CRPPA: variants seen among roughly 807,000 people sequenced by gnomAD.
CRPPA encodes CDP-L-ribitol pyrophosphorylase A.
CRPPA carries 43 observed loss-of-function variants against 52.0 expected under a neutral mutation model. The observed-to-expected ratio is 0.83, with a 90% confidence interval of 0.65 to 1.07. The LOEUF is 1.07. Among genes scored for constraint, CRPPA ranks in the 50% least tolerant of loss-of-function variants. The probability of loss-of-function intolerance (pLI) is 0.00; values close to 1 mark genes in which losing one functional copy is unlikely to be tolerated. For missense variants in CRPPA, 629 were observed against 551.7 expected (o/e 1.14, Z -1.40); for synonymous variants, 250 against 203.5 (o/e 1.23, Z -1.94).
chr7:16,184,974 T>C (rs372245379), intron 9 of CRPPA, among the ~76,000 whole-genome samples: 2 of 152,314 alleles, frequency 1.3e-5, no homozygotes, highest in East Asian at 3.9e-4. Context: ...TTGTGGATTT[T>C]TATGAAAACT....
intron 9 of CRPPA, among the ~76,000 whole-genome samples, chr7:16,187,391 A>C (rs1781526882): frequency 6.6e-6 from 1 of 152,224 alleles, no homozygotes; most frequent in Admixed American, 6.5e-5. Context: ...TTTTCTGTTT[A>C]GACAAAAAGA....
chr7:16,321,477 C>G (rs1003258933), intron 3 of CRPPA, among the ~76,000 whole-genome samples: 3 of 152,088 alleles, frequency 2.0e-5, no homozygotes, highest in Non-Finnish European at 4.4e-5. Flanking sequence ...AAACTATCAC[C>G]ATTCAACCCC....
At chr7:16,344,486 G>A (rs1221730556) in intron 3 of CRPPA, among the ~76,000 whole-genome samples, 1 of 151,340 alleles carries the variant, frequency 6.6e-6, no homozygotes, top group Non-Finnish European at 1.5e-5. Context: ...ACTTGAGCCT[G>A]GAAGTTCAAG....
intron 9 of CRPPA, among the ~76,000 whole-genome samples, chr7:16,167,870 T>A (rs374640714): frequency 6.6e-6 from 1 of 152,230 alleles, no homozygotes; most frequent in African/African-American, 2.4e-5. Context: ...ATTTATCTAA[T>A]GAACTTCTTT....
At chr7:16,253,279 T>C (rs1783511778) in intron 8 of CRPPA, among the ~76,000 whole-genome samples, 1 of 152,234 alleles carries the variant, frequency 6.6e-6, no homozygotes, top group African/African-American at 2.4e-5. Context: ...GCTTTAAATG[T>C]GTCCCAGATA....
At chr7:16,405,186 C>G (rs1197591729) in intron 2 of CRPPA, among the ~76,000 whole-genome samples, 3 of 151,954 alleles carry the variant, frequency 2.0e-5, no homozygotes, top group Admixed American at 2.0e-4. Flanking sequence ...GAAACTATTA[C>G]ATAGATGTTA....
At position 16,380,757 on chromosome 7, in the gene CRPPA, G is replaced by C. The variant is rs183138906; in HGVS notation, c.535-4516C>G. On this transcript the variant is annotated intron_variant, in intron 2 of 9. Transcript: ENST00000407010. ...TCGAGGAATTTATCCATTTCTTCTA[G>C]ATTTTCTAGTTTATTTTCCTAGAGG... Among the ~76,000 whole-genome samples, 15 of 152,300 alleles carry C rather than the reference G, an allele frequency of 9.8e-5. No individual in the cohort carries two copies. In the East Asian group the frequency reaches 2.9e-3, roughly 29 times the overall value.
At chr7:16,093,003 G>A (rs1438267885) in intron 9 of CRPPA, among the ~76,000 whole-genome samples, 1 of 152,102 alleles carries the variant, frequency 6.6e-6, no homozygotes, top group Non-Finnish European at 1.5e-5. Flanking sequence ...GTTCAACCTA[G>A]GTATCAGAGA....
chr7:16,408,805 A>G (rs1788014925), intron 1 of CRPPA, among the ~76,000 whole-genome samples: 1 of 152,216 alleles, frequency 6.6e-6, no homozygotes, highest in African/African-American at 2.4e-5. Context: ...GTCCTTATAA[A>G]GGAAAGGAGG....
chr7:16,237,159 T>G (rs979863185), intron 8 of CRPPA: 4 of 152,234 alleles, frequency 2.6e-5, no homozygotes, highest in African/African-American at 9.6e-5. Context: ...CTCATTTATT[T>G]AAGCTTCAAT....
rs549480340 is a variant in CRPPA, at chr7:16,154,809, C to CT, written c.1251+61256dup. 4.1e-3 allele frequency among the ~76,000 whole-genome samples: 536 copies of CT among 131,994 alleles called. 3 individuals are homozygous for CT. Among genetic ancestry groups the CT allele is most frequent in the Admixed American group, 7.2e-3 (94 of 13,044 alleles). 86.6% of individuals were successfully genotyped at this position (131,994 alleles called of 152,430 possible). ...AATATCGTCAATATTCAAGATGGGT[C>CT]TTTTTTTTTTTTTTTTAAGACAGAA... On this transcript the variant is annotated intron_variant, in intron 9 of 9. Coordinates refer to ENST00000407010, the MANE Select transcript of CRPPA (RefSeq NM_001101426.4).
chr7:16,188,523 G>A (rs1006581433), intron 9 of CRPPA, among the ~76,000 whole-genome samples: 2 of 152,108 alleles, frequency 1.3e-5, no homozygotes, highest in Non-Finnish European at 2.9e-5. Flanking sequence ...AGACTGGCTT[G>A]GGATTCTATT....
intron 9 of CRPPA, among the ~76,000 whole-genome samples, chr7:16,189,629 T>C (rs968321959): frequency 1.4e-4 from 21 of 152,204 alleles, no homozygotes; most frequent in Non-Finnish European, 2.6e-4. Context: ...ACAACTGTTA[T>C]AATTTCATAC....
At chr7:16,108,628 C>G (rs1370793018) in intron 9 of CRPPA, among the ~76,000 whole-genome samples, 4 of 151,802 alleles carry the variant, frequency 2.6e-5, no homozygotes, top group African/African-American at 9.7e-5. Flanking sequence ...TTATACAGAA[C>G]ATTCTGTCCA....
intron 1 of CRPPA, among the ~76,000 whole-genome samples, chr7:16,420,553 A>G (rs1788303055): frequency 6.6e-6 from 1 of 152,126 alleles, no homozygotes; most frequent in Non-Finnish European, 1.5e-5. Flanking sequence ...TTGAAAGGTT[A>G]TTAAATTCTG....
At chr7:16,380,640 A>C (rs1422641660) in intron 2 of CRPPA, among the ~76,000 whole-genome samples, 1 of 152,064 alleles carries the variant, frequency 6.6e-6, no homozygotes. Flanking sequence ...TTGATTGGTA[A>C]GCTATTGATT....
At chr7:16,355,745 T>C (rs974381225) in intron 3 of CRPPA, among the ~76,000 whole-genome samples, 4 of 152,204 alleles carry the variant, frequency 2.6e-5, no homozygotes, top group Non-Finnish European at 5.9e-5. Context: ...CACTGACTGA[T>C]AGAACAGGCT....
intron 3 of CRPPA, among the ~76,000 whole-genome samples, chr7:16,330,083 C>A (rs1785512254): frequency 2.0e-5 from 3 of 152,150 alleles, no homozygotes; most frequent in African/African-American, 4.8e-5. Flanking sequence ...CTTTGAAGAT[C>A]ACAATGAAAT....
chr7:16,192,073 CCT>C (rs1186517620), intron 9 of CRPPA, among the ~76,000 whole-genome samples: 3 of 151,964 alleles, frequency 2.0e-5, no homozygotes, highest in Non-Finnish European at 4.4e-5. Flanking sequence ...TGAAGTCTTC[CCT>C]GCTCAGCTCA....
Sources: gnomAD v4.1 joint callset for allele counts (sites outside exome capture counted in the v4.1 genomes callset) on GRCh38, gnomAD v4.1.1 for gene constraint, MANE v1.5 for transcripts, NCBI Gene and HGNC (gene_info 2026-07-23, HGNC 2026-07-21) for gene names.